Variants in SCFD2 observed in about 807,000 individuals in gnomAD.
SCFD2 encodes the protein sec1 family domain containing 2, also known as sec1 family domain-containing protein 2.
SCFD2 carries 54 observed loss-of-function variants against 58.9 expected under a neutral mutation model. That is an observed-to-expected ratio of 0.92 (90% CI 0.74 to 1.15). The LOEUF is 1.15. Ranked by LOEUF, SCFD2 falls within the 50% of genes most tolerant of loss-of-function variation. The pLI is 0.00. For missense variants in SCFD2, 805 were observed against 836.6 expected, an observed-to-expected ratio of 0.96 and a Z score of 0.47; for synonymous variants, 321 against 335.9, an observed-to-expected ratio of 0.96 and a Z score of 0.49.
chr4:53,057,479 C>T (rs1723377137), intron 5 of SCFD2, among the ~76,000 whole-genome samples: 1 of 152,070 alleles, frequency 6.6e-6, no homozygotes, highest in Non-Finnish European at 1.5e-5. Context: ...CATGTTCTCA[C>T]TCATAAGTGG....
At chr4:53,277,685 C>G (rs943843996) in intron 3 of SCFD2, among the ~76,000 whole-genome samples, 1 of 152,174 alleles carries the variant, frequency 6.6e-6, no homozygotes, top group African/African-American at 2.4e-5. Flanking sequence ...CCAGAGGAAG[C>G]CATCAGAGGA....
At chr4:52,988,921 G>C (rs899745878) in intron 5 of SCFD2, among the ~76,000 whole-genome samples, 1 of 152,096 alleles carries the variant, frequency 6.6e-6, no homozygotes, top group Non-Finnish European at 1.5e-5. Context: ...ATTTGCTGTT[G>C]CATGAAAATG....
intron 4 of SCFD2, among the ~76,000 whole-genome samples, chr4:53,185,674 C>T (rs1232640996): frequency 2.0e-5 from 3 of 152,006 alleles, no homozygotes; most frequent in South Asian, 2.1e-4. Flanking sequence ...AAAAGGCATA[C>T]CCATAACATA....
chr4:53,320,060 A>G (rs973745344), intron 2 of SCFD2, among the ~76,000 whole-genome samples: 1 of 152,242 alleles, frequency 6.6e-6, no homozygotes, highest in Non-Finnish European at 1.5e-5. Context: ...CATAGGCAGC[A>G]TGACTATATT....
At chr4:53,179,146 A>G (rs1290733732) in intron 4 of SCFD2, among the ~76,000 whole-genome samples, 1 of 152,228 alleles carries the variant, frequency 6.6e-6, no homozygotes, top group Admixed American at 6.5e-5. Flanking sequence ...GGAAATACAG[A>G]AAACACCACA....
chr4:52,974,914 TG>T (rs924890187), intron 5 of SCFD2, among the ~76,000 whole-genome samples: 1 of 152,128 alleles, frequency 6.6e-6, no homozygotes, highest in Non-Finnish European at 1.5e-5. Flanking sequence ...AAACAAGAAA[TG>T]GGGAAACGAT....
At chr4:53,049,236 G>A (rs1723123448) in intron 5 of SCFD2, among the ~76,000 whole-genome samples, 1 of 152,182 alleles carries the variant, frequency 6.6e-6, no homozygotes, top group African/African-American at 2.4e-5. Context: ...TACCAAGAAT[G>A]TCTGCCCAGC....
At chr4:53,346,134 G>T (rs1268120668) in intron 2 of SCFD2, among the ~76,000 whole-genome samples, 1 of 149,898 alleles carries the variant, frequency 6.7e-6, no homozygotes, top group East Asian at 2.0e-4. Context: ...AAAGAAATAA[G>T]ATATTTATAC....
At chr4:52,939,882 A>G (rs1298203465) in intron 5 of SCFD2, among the ~76,000 whole-genome samples, 2 of 152,230 alleles carry the variant, frequency 1.3e-5, no homozygotes, top group South Asian at 4.1e-4. Context: ...CTTGGCACAC[A>G]TAACTCTGGT....
chr4:53,277,801 G>A (rs1281068796), intron 3 of SCFD2, among the ~76,000 whole-genome samples: 1 of 149,470 alleles, frequency 6.7e-6, no homozygotes, highest in Non-Finnish European at 1.5e-5. Context: ...GCCTGTAATC[G>A]CAGCTCTTTG....
chr4:53,095,466 T>C (rs1326059477), intron 5 of SCFD2, among the ~76,000 whole-genome samples: 1 of 152,126 alleles, frequency 6.6e-6, no homozygotes, highest in Non-Finnish European at 1.5e-5. Flanking sequence ...ACCATCCTGG[T>C]TCAAGCTTTC....
intron 5 of SCFD2, among the ~76,000 whole-genome samples, chr4:52,962,358 C>T (rs747177137): frequency 6.6e-6 from 1 of 152,170 alleles, no homozygotes; most frequent in Non-Finnish European, 1.5e-5. Flanking sequence ...GTTGGGCCTT[C>T]AACCTGAACA....
chr4:53,095,134 T>G (rs1459285682), intron 5 of SCFD2, among the ~76,000 whole-genome samples: 3 of 152,146 alleles, frequency 2.0e-5, no homozygotes. Flanking sequence ...CTATACTCAA[T>G]CCCTTAGTGA....
At chr4:53,302,490 A>G (rs1732347386) in intron 3 of SCFD2, among the ~76,000 whole-genome samples, 1 of 152,212 alleles carries the variant, frequency 6.6e-6, no homozygotes. Flanking sequence ...GCTCATGGGT[A>G]GGAAGAATCA....
intron 2 of SCFD2, among the ~76,000 whole-genome samples, chr4:53,319,951 C>A (rs1288682503): frequency 2.0e-5 from 3 of 152,212 alleles, no homozygotes; most frequent in Admixed American, 1.3e-4. Context: ...ACTGGAAGTG[C>A]CAATGGGCTG....
intron 4 of SCFD2, among the ~76,000 whole-genome samples, chr4:53,153,237 T>C (rs899448413): frequency 1.3e-5 from 2 of 152,232 alleles, no homozygotes; most frequent in African/African-American, 4.8e-5. Flanking sequence ...GCTCCACCTC[T>C]TCAACAGGTT....
intron 5 of SCFD2, among the ~76,000 whole-genome samples, chr4:53,006,927 T>C (rs931760795): frequency 6.6e-6 from 1 of 152,008 alleles, no homozygotes; most frequent in Non-Finnish European, 1.5e-5. Flanking sequence ...TGCTGTGGCC[T>C]ATGGATCCCA....
intron 4 of SCFD2, among the ~76,000 whole-genome samples, chr4:53,237,528 A>G (rs1374281087): frequency 5.1e-5 from 1 of 19,710 alleles, no homozygotes; most frequent in Non-Finnish European, 9.7e-5. Flanking sequence ...GCTGACCCCC[A>G]CCTCTCTCCC....
At chr4:52,903,412 G>A (rs901213992) in intron 7 of SCFD2, among the ~76,000 whole-genome samples, 2 of 152,192 alleles carry the variant, frequency 1.3e-5, no homozygotes, top group African/African-American at 4.8e-5. Flanking sequence ...TGATGGGGCT[G>A]CTACCTTGCA....
Sources: allele counts gnomAD v4.1 joint callset (sites outside exome capture counted in the v4.1 genomes callset), GRCh38; gene constraint gnomAD v4.1.1; transcripts MANE v1.5; gene names NCBI Gene and HGNC (gene_info 2026-07-23, HGNC 2026-07-21).